The following CGGBP1 variants were observed in gnomAD, a reference collection of about 807,000 sequenced individuals.
CGGBP1 encodes the protein CGG triplet repeat binding protein 1, also known as CGG triplet repeat-binding protein 1.
Under a neutral mutation model 11.4 loss-of-function variants are expected in CGGBP1, and 4 were observed. The ratio of observed to expected loss-of-function variants is 0.35; its 90% CI spans 0.17 to 0.80. The LOEUF is 0.80. Ranked by LOEUF, CGGBP1 falls within the 30% of genes least tolerant of loss-of-function variation. CGGBP1 has a pLI of 0.52. For synonymous variants in CGGBP1, 76 were observed against 74.1 expected (o/e 1.03, Z -0.13); for missense variants, 135 against 202.1 (o/e 0.67, Z 2.01).
chr3:88,134,973 AG>A, intron 2 of CGGBP1: 1 of 933,104 alleles, frequency 1.1e-6, no homozygotes, highest in Non-Finnish European at 1.5e-6. Flanking sequence ...CATCCCAGCC[AG>A]GGCACTATAG....
chr3:88,137,194 CAAAAAAAAAA>C (rs11401199), intron 2 of CGGBP1, among the ~76,000 whole-genome samples: 1 of 70,722 alleles, frequency 1.4e-5, no homozygotes, highest in Non-Finnish European at 2.3e-5. Flanking sequence ...GACTCTGTCT[CAAAAAAAAAA>C]AAAAAAAAAA....
At chr3:88,081,828 G>A (rs1708090898) in intron 2 of CGGBP1, among the ~76,000 whole-genome samples, 1 of 152,176 alleles carries the variant, frequency 6.6e-6, no homozygotes, top group Admixed American at 6.5e-5. Context: ...CAAGATTTGG[G>A]CACTAAGTGT....
At chr3:88,056,095 T>A (rs561056802) in intron 3 of CGGBP1, 96 bp from the exon 4 acceptor site, 1 of 891,494 alleles carries the variant, frequency 1.1e-6, no homozygotes, top group South Asian at 1.9e-5. Context: ...CTTCAAATAC[T>A]TCAAAAAACT....
At chr3:88,143,850 G>A (rs1315947618) in intron 1 of CGGBP1, 1 of 151,860 alleles carries the variant, frequency 6.6e-6, no homozygotes, top group East Asian at 1.9e-4. Flanking sequence ...TTCTCAAATA[G>A]CTATTGAAAG....
chr3:88,120,225 T>TG (rs1434395120), intron 2 of CGGBP1, among the ~76,000 whole-genome samples: 14 of 152,216 alleles, frequency 9.2e-5, no homozygotes, highest in Non-Finnish European at 1.9e-4. Context: ...AGAAGCAGAA[T>TG]GAGGGCCTAA....
chr3:88,087,835 G>GGA (rs1263762098), intron 2 of CGGBP1, among the ~76,000 whole-genome samples: 1 of 152,086 alleles, frequency 6.6e-6, no homozygotes, highest in East Asian at 1.9e-4. Flanking sequence ...GTTGGGGTGG[G>GGA]GAAACAGCAT....
Position 88,055,805 on chromosome 3 carries a change from T to C in CGGBP1, c.172A>G (p.Ile58Val). 6.2e-7 allele frequency: 1 copy of C among 1,614,232 alleles called. No individual in the cohort carries two copies. ...GTCTTTGACTTGAGGTGGTCACTAA[T>C]GGCAGACTTGCGAACATGATTCAGA... ...VVLNHVRKSA[I>V]SDHLKSKTHT... is the part of the protein sequence containing the mutation. The change falls in exon 4 of 4, where the codon ATT becomes GTT. Residue 58 changes from isoleucine (I) to valine (V), a missense_variant. Physicochemically the swap from Ile to Val is conservative, Grantham distance 29. Transcript: ENST00000482016. This position sits in a 1 kb window ranked among gnomAD's most constrained non-coding sequence, Gnocchi z 4.2.
At chr3:88,104,198 C>T (rs1247110815) in intron 2 of CGGBP1, among the ~76,000 whole-genome samples, 1 of 152,024 alleles carries the variant, frequency 6.6e-6, no homozygotes, top group Non-Finnish European at 1.5e-5. Context: ...AGATGCTGGA[C>T]AGAAATTTGG....
At position 88,055,632 on chromosome 3, in the gene CGGBP1, G is replaced by T. The variant is rs768752645; in HGVS notation, c.345C>A (p.Asn115Lys). Residue 115 changes from asparagine to lysine, a missense_variant, in exon 4 of 4, where the codon AAC becomes AAA. Coordinates refer to ENST00000482016, the MANE Select transcript of CGGBP1 (RefSeq NM_001008390.2). The surrounding 1 kb of genome is among the most constrained non-coding windows in gnomAD (Gnocchi z 4.2). The part of the protein sequence containing the change: ...QDFVKMCLEA[N>K]IPLEKADHPA... Reference sequence around the variant, plus strand: ...GGTGATCAGCCTTCTCAAGTGGGATGTTGGCTTCCAGGCACATTTTCACAA... The same window carrying T: ...GGTGATCAGCCTTCTCAAGTGGGATTTTGGCTTCCAGGCACATTTTCACAA... 7 of 1,614,084 alleles carry T rather than the reference G, an allele frequency of 4.3e-6. No individual in the cohort carries two copies. The highest frequency in any genetic ancestry group is 1.3e-5 in the African/African-American group (1 of 74,934).
At chr3:88,120,068 CT>C (rs1705675391) in intron 2 of CGGBP1, among the ~76,000 whole-genome samples, 1 of 59,176 alleles carries the variant, frequency 1.7e-5, no homozygotes, top group African/African-American at 4.1e-5. Context: ...CATAATTCTA[CT>C]TATTTAAAAA....
chr3:88,117,007 G>T (rs1026400705), intron 2 of CGGBP1, among the ~76,000 whole-genome samples: 2 of 152,104 alleles, frequency 1.3e-5, no homozygotes, highest in African/African-American at 4.8e-5. Context: ...TTTCTTAAAG[G>T]ATCTGTTACG....
In CGGBP1 at chr3:88,117,945, T is replaced by TA. The variant is rs5850829; in HGVS notation, c.-229+23024dup. Among the ~76,000 whole-genome samples, 182 of 147,818 alleles carry TA rather than the reference T, an allele frequency of 1.2e-3. 1 individual carries two copies. The highest frequency in any genetic ancestry group is 3.5e-3 in the African/African-American group (141 of 40,264). On this transcript the variant is annotated intron_variant, in intron 2 of 3. Transcript: ENST00000462901. ...CCAGTACTATTGCCCAATAGATGAT[T>TA]AAAAAAAAAAAACAACCAAGAACAT...
intron 2 of CGGBP1, among the ~76,000 whole-genome samples, chr3:88,136,214 T>C (rs1231393132): frequency 6.6e-6 from 1 of 152,152 alleles, no homozygotes; most frequent in East Asian, 1.9e-4. Context: ...TACATATGAA[T>C]CTTATTGGTA....
At position 88,054,167 on chromosome 3, in the gene CGGBP1, T is replaced by C. The variant is rs1035676752; in HGVS notation, c.*1306A>G. ...TTGTCACTGCTTTGTAATAGAAATATATAAGTATTTTTAACTTGAATTTCA... is the reference window on the plus strand; with the variant it reads ...TTGTCACTGCTTTGTAATAGAAATACATAAGTATTTTTAACTTGAATTTCA... On this transcript the variant is annotated 3_prime_UTR_variant, in exon 4 of 4. Transcript: ENST00000482016. 5.9e-5 allele frequency: 9 copies of C among 152,442 alleles called. No homozygotes were observed. The East Asian group carries it at 1.5e-3, about 26-fold the overall frequency. 9.4% of individuals were successfully genotyped at this position (152,442 alleles called of 1,614,324 possible).
intron 2 of CGGBP1, among the ~76,000 whole-genome samples, chr3:88,088,524 T>A (rs887766758): frequency 6.6e-6 from 1 of 152,092 alleles, no homozygotes; most frequent in African/African-American, 2.4e-5. Context: ...GAAAATATGA[T>A]GGTTAAAATT....
At chr3:88,065,390 A>G (rs1707138222) in intron 2 of CGGBP1, among the ~76,000 whole-genome samples, 1 of 152,124 alleles carries the variant, frequency 6.6e-6, no homozygotes, top group Admixed American at 6.5e-5. Flanking sequence ...AAACTACCTA[A>G]ATGACTATTA....
chr3:88,077,395 G>A (rs9879044), intron 2 of CGGBP1, among the ~76,000 whole-genome samples: 117,619 of 149,934 alleles, frequency 0.78, 47,027 homozygotes, highest in South Asian at 0.91. Flanking sequence ...GTACAGTGGC[G>A]CGATCTCGGC....
rs145150752 is a variant in CGGBP1, at chr3:88,115,365, C to T, written c.-229+25605G>A. Among the ~76,000 whole-genome samples, 249 of 152,256 alleles carry T rather than the reference C, an allele frequency of 1.6e-3. 3 individuals are homozygous for T. The highest frequency in any genetic ancestry group is 9.0e-4 in the Non-Finnish European group (61 of 68,018). ...TGGGCAAGTTTCATAATTTCTGTACCAGTTTCTTTATTTGTAAAATGGAGG... is the reference window on the plus strand; with the variant it reads ...TGGGCAAGTTTCATAATTTCTGTACTAGTTTCTTTATTTGTAAAATGGAGG... On this transcript the variant is annotated intron_variant, in intron 2 of 3. Transcript: ENST00000462901.
At chr3:88,121,753 C>T (rs1262075089) in intron 2 of CGGBP1, among the ~76,000 whole-genome samples, 3 of 152,062 alleles carry the variant, frequency 2.0e-5, no homozygotes, top group Admixed American at 6.6e-5. Context: ...TCAAAGATTA[C>T]GTTTTTATAA....
Sources: gnomAD v4.1 joint callset for allele counts (sites outside exome capture counted in the v4.1 genomes callset) on GRCh38, gnomAD v4.1.1 for gene constraint, Gnocchi (gnomAD v3.1) non-coding constraint, MANE v1.5 for transcripts, NCBI Gene and HGNC (gene_info 2026-07-23, HGNC 2026-07-21) for gene names.